ATP6V1E2: variants seen among roughly 807,000 people sequenced by gnomAD.
ATP6V1E2 encodes the protein V-type proton ATPase subunit E 2.
For missense variants in ATP6V1E2, 308 were observed against 273.3 expected, an observed-to-expected ratio of 1.13 and a Z score of -0.90; for synonymous variants, 121 against 104.2, an observed-to-expected ratio of 1.16 and a Z score of -0.98.
At chr2:46,536,785 T>G (rs997817733) in intron 2 of ATP6V1E2, 82 bp from the exon 3 acceptor site, 7 of 151,750 alleles carry the variant, frequency 4.6e-5, no homozygotes, top group Non-Finnish European at 8.8e-5. Context: ...TCTCCTAAAC[T>G]TCTTTTTTTT....
At chr2:46,540,733 AG>A (rs1379325043) in intron 2 of ATP6V1E2, among the ~76,000 whole-genome samples, 3 of 148,338 alleles carry the variant, frequency 2.0e-5, no homozygotes, top group African/African-American at 5.1e-5. Flanking sequence ...ATGGGCTGAC[AG>A]GGGGGCATTC....
intron 4 of ATP6V1E2, among the ~76,000 whole-genome samples, chr2:46,533,092 ATTATATAT>A (rs1667259740): frequency 3.6e-5 from 3 of 84,342 alleles, no homozygotes; most frequent in African/African-American, 8.0e-5. Flanking sequence ...TATATCTAAC[ATTATATAT>A]CTAACATTAT....
At chr2:46,540,568 T>G (rs552720181) in intron 2 of ATP6V1E2, among the ~76,000 whole-genome samples, 1 of 149,748 alleles carries the variant, frequency 6.7e-6, no homozygotes, top group East Asian at 2.0e-4. Flanking sequence ...AGAAACAAAG[T>G]GCTTTCTATC....
At chr2:46,528,924 T>G (rs572156277) in intron 4 of ATP6V1E2, among the ~76,000 whole-genome samples, 1 of 152,074 alleles carries the variant, frequency 6.6e-6, no homozygotes, top group East Asian at 1.9e-4. Context: ...TGCCCATGGG[T>G]TCCCAGAGCC....
chr2:46,533,863 T>A (rs967651999), intron 4 of ATP6V1E2, among the ~76,000 whole-genome samples: 13 of 152,238 alleles, frequency 8.5e-5, no homozygotes, highest in Non-Finnish European at 1.9e-4. Flanking sequence ...TGCTTTCTTT[T>A]TCTTTTATCA....
chr2:46,513,863 A>G (rs1237596777), intron 4 of ATP6V1E2, among the ~76,000 whole-genome samples: 4 of 152,222 alleles, frequency 2.6e-5, no homozygotes, highest in Non-Finnish European at 5.9e-5. Flanking sequence ...TATTCTTTAT[A>G]TAAGCCTAGA....
At chr2:46,531,069 G>C (rs536021403) in intron 4 of ATP6V1E2, among the ~76,000 whole-genome samples, 246 of 152,268 alleles carry the variant, frequency 1.6e-3, no homozygotes, top group African/African-American at 5.6e-3. Context: ...TATTTCAGTA[G>C]CATTTATTAC....
chr2:46,534,742 C>T (rs552604911), intron 4 of ATP6V1E2: 5 of 142,090 alleles, frequency 3.5e-5, no homozygotes, highest in Middle Eastern at 7.1e-3. Flanking sequence ...CCTCACTTTT[C>T]GGCTTAGTTA....
intron 4 of ATP6V1E2, among the ~76,000 whole-genome samples, chr2:46,524,408 C>G (rs999763756): frequency 6.6e-6 from 1 of 152,174 alleles, no homozygotes; most frequent in Non-Finnish European, 1.5e-5. Context: ...AACTTGGAGG[C>G]AAGTCACCTG....
At chr2:46,523,202 GAT>G (rs1407944429) in intron 4 of ATP6V1E2, among the ~76,000 whole-genome samples, 2 of 152,122 alleles carry the variant, frequency 1.3e-5, no homozygotes, top group Non-Finnish European at 2.9e-5. Flanking sequence ...TCACTCTGAT[GAT>G]AGTTTCTTTT....
At chr2:46,538,071 C>T (rs1350425663) in intron 2 of ATP6V1E2, among the ~76,000 whole-genome samples, 1 of 152,188 alleles carries the variant, frequency 6.6e-6, no homozygotes, top group African/African-American at 2.4e-5. Flanking sequence ...CCCACATCCC[C>T]ACACTGCTAC....
intron 4 of ATP6V1E2, among the ~76,000 whole-genome samples, chr2:46,525,016 A>G (rs1666825235): frequency 6.6e-6 from 1 of 152,176 alleles, no homozygotes; most frequent in Admixed American, 6.5e-5. Context: ...ACTATATGCC[A>G]AAAGCCAGAG....
intron 4 of ATP6V1E2, among the ~76,000 whole-genome samples, chr2:46,525,652 C>G (rs1027237956): frequency 6.6e-6 from 1 of 152,036 alleles, no homozygotes; most frequent in Non-Finnish European, 1.5e-5. Context: ...AGTAAGGAGC[C>G]ACATAGAGTT....
intron 4 of ATP6V1E2, among the ~76,000 whole-genome samples, chr2:46,524,887 G>C (rs1666816949): frequency 1.3e-5 from 2 of 152,156 alleles, no homozygotes; most frequent in South Asian, 4.1e-4. Flanking sequence ...GGAAATGTCT[G>C]CCTGAGAGTT....
chr2:46,527,020 A>C (rs1234363294), intron 4 of ATP6V1E2, among the ~76,000 whole-genome samples: 1 of 152,068 alleles, frequency 6.6e-6, no homozygotes. Flanking sequence ...CAGTGTTTCC[A>C]CATCTTTGCC....
rs776602780 is a variant in ATP6V1E2 at position 46,512,196 on chromosome 2, G to A, written c.516C>T (p.Tyr172=). 7 of 1,614,164 alleles carry A rather than the reference G, an allele frequency of 4.3e-6. No homozygotes were observed. The highest frequency in any genetic ancestry group is 5.9e-6 in the Non-Finnish European group (7 of 1,180,020). The change falls in exon 5 of 5, where the codon TAC becomes TAT. Residue 172 remains tyrosine (Y), a synonymous_variant. Transcript: ENST00000522587. ...HVEVQIDKEA[Y]LAVNAAGGVE... Reference sequence around the variant, plus strand: ...CACCTCCAGCTGCATTCACAGCCAGGTATGCCTCTTTATCAATCTGGACCT... The same window carrying A: ...CACCTCCAGCTGCATTCACAGCCAGATATGCCTCTTTATCAATCTGGACCT...
intron 2 of ATP6V1E2, among the ~76,000 whole-genome samples, chr2:46,539,900 C>T (rs1372620663): frequency 1.3e-5 from 2 of 152,372 alleles, no homozygotes; most frequent in East Asian, 3.9e-4. Flanking sequence ...ATTCTCTATT[C>T]TCTAGCACAG....
At chr2:46,540,467 G>T (rs1478887031) in intron 2 of ATP6V1E2, among the ~76,000 whole-genome samples, 1 of 146,608 alleles carries the variant, frequency 6.8e-6, no homozygotes, top group Non-Finnish European at 1.5e-5. Context: ...AAAAGAAAAA[G>T]AAATTTCACT....
At chr2:46,525,899 C>CAAA (rs71394899) in intron 4 of ATP6V1E2, among the ~76,000 whole-genome samples, 13 of 127,948 alleles carry the variant, frequency 1.0e-4, no homozygotes, top group South Asian at 2.5e-4. Flanking sequence ...GCAGTTTCTC[C>CAAA]AAAAAAAAAA....
Sources: allele counts gnomAD v4.1 joint callset (sites outside exome capture counted in the v4.1 genomes callset), GRCh38; gene constraint gnomAD v4.1.1; transcripts MANE v1.5; gene names NCBI Gene and HGNC (gene_info 2026-07-23, HGNC 2026-07-21).